AXL: variants seen among roughly 807,000 people sequenced by gnomAD.
The protein encoded by AXL is AXL receptor tyrosine kinase.
Under a neutral mutation model 104.5 loss-of-function variants are expected in AXL, and 52 were observed. The ratio of observed to expected loss-of-function variants is 0.50; its 90% confidence interval spans 0.40 to 0.63. AXL has a LOEUF of 0.63. Among genes scored for constraint, AXL ranks in the 20% least tolerant of loss-of-function variants. The pLI is 0.00. For synonymous variants in AXL, 455 were observed against 473.7 expected (o/e 0.96, Z 0.51); for missense variants, 1,024 against 1,188.5 (o/e 0.86, Z 2.04).
At position 41,224,953 on chromosome 19, in the gene AXL, C is replaced by T. The variant is rs78900463; in HGVS notation, c.586+2897C>T. On this transcript the variant is annotated intron_variant, in intron 4 of 19. Transcript: ENST00000301178. Reference sequence around the variant, plus strand: ...ATGTGTCCATGGCAGTGTCTCCATCCTTGTGTGTCTGCATCAGGCCTGCGC... The same window carrying T: ...ATGTGTCCATGGCAGTGTCTCCATCTTTGTGTGTCTGCATCAGGCCTGCGC... Among the ~76,000 whole-genome samples the T allele has an allele frequency of 2.0e-5, 3 of 152,282 alleles. No homozygotes were observed. The East Asian group carries it at 5.8e-4, about 29-fold the overall frequency.
Position 41,248,749 on chromosome 19 carries a change from T to C in AXL, c.1640T>C (p.Phe547Ser), listed in dbSNP as rs1056851879. 1 of 1,614,114 alleles carries C rather than the reference T, an allele frequency of 6.2e-7. No individual in the cohort carries two copies. The highest frequency in any genetic ancestry group is 1.6e-4 in the Middle Eastern group (1 of 6,062). ...ALGKTLGEGE[F>S]GAVMEGQLNQ... ...TCCCTCTGGCCCCCCACAGGAGAGT[T>C]TGGAGCTGTGATGGAAGGCCAGCTC... The change falls in exon 14 of 20, where the codon TTT becomes TCT. Residue 547 changes from phenylalanine to serine, a missense_variant. By Grantham distance (155) the Phe-to-Ser change is radical. This residue lies in a region of AXL where 523 missense variants were observed against 636.0 expected (regional missense o/e 0.82). Transcript: ENST00000301178.
At chr19:41,254,390 A>AAAAGAAAG (rs1261812707) in intron 17 of AXL, among the ~76,000 whole-genome samples, 5 of 145,288 alleles carry the variant, frequency 3.4e-5, no homozygotes, top group African/African-American at 1.0e-4. Context: ...AAAAAAAAAA[A>AAAAGAAAG]AAAGAAAGAA....
chr19:41,229,197 C>T (rs760485922), intron 4 of AXL, among the ~76,000 whole-genome samples: 3 of 151,062 alleles, frequency 2.0e-5, no homozygotes, highest in Non-Finnish European at 4.4e-5. Context: ...GTGATCCACC[C>T]ACCTCGGCCT....
rs778617899 is a variant in AXL at position 41,230,959 on chromosome 19, CT to C, written c.587-7del. The stretch of plus-strand genomic sequence containing the variant: ...GATATTGGACCCTTCCCTCATATGA[CT>C]CCCTAGGGCTGAACAAGACATCCTC... On this transcript the variant is annotated splice_region_variant and splice_polypyrimidine_tract_variant and intron_variant, in intron 4 of 19. Transcript: ENST00000301178. The C allele has an allele frequency of 6.2e-7, 1 of 1,613,612 alleles. No individual in the cohort carries two copies. The highest frequency in any genetic ancestry group is 1.1e-5 in the South Asian group (1 of 91,076).
In AXL at chr19:41,252,363, C is replaced by T. The variant is rs555593485; in HGVS notation, c.1724C>T (p.Thr575Met). The T allele has an allele frequency of 1.6e-5, 26 of 1,613,704 alleles. No individual in the cohort carries two copies. The highest frequency in any genetic ancestry group is 6.6e-5 in the South Asian group (6 of 91,060). Residue 575 changes from threonine to methionine, a missense_variant, in exon 15 of 20, where the codon ACG (threonine) becomes ATG (methionine). Coordinates refer to ENST00000301178, the MANE Select transcript of AXL (RefSeq NM_021913.5). ...AVKTMKIAICTRSELEDFLSE... is the reference protein window; with the variant it reads ...AVKTMKIAICMRSELEDFLSE... ...TCTCTCCCTCAAGTTGCCATCTGCA[C>T]GAGGTCAGAGCTGGAGGATTTCCTG...
At position 41,219,366 on chromosome 19, in the gene AXL, A is replaced by G. The variant is rs10411012; in HGVS notation, c.-27A>G. The G allele has an allele frequency of 0.49, 761,347 of 1,563,788 alleles. 186,736 individuals carry two copies. Among genetic ancestry groups the G allele is most frequent in the African/African-American group, 0.59 (43,677 of 73,674 alleles). ...TGCCCCCTCCCCCGCTGGGAGCCCA[A>G]CAACTTCTGAGGAAAGTTTGGCACC... On this transcript the variant is annotated 5_prime_UTR_variant, in exon 1 of 20. Coordinates refer to ENST00000301178, the MANE Select transcript of AXL (RefSeq NM_021913.5).
At chr19:41,235,335 G>T (rs911065260) in intron 6 of AXL, among the ~76,000 whole-genome samples, 1 of 151,868 alleles carries the variant, frequency 6.6e-6, no homozygotes, top group Non-Finnish European at 1.5e-5. Context: ...TGGGCAACAA[G>T]AGCGAAACTC....
Position 41,254,644 on chromosome 19 carries a change from C to T in AXL, c.2036+936C>T, listed in dbSNP as rs912384137. On this transcript the variant is annotated intron_variant, in intron 17 of 19. Transcript: ENST00000301178. ...AGTTAGAATATTAGTCTTGGCCAGG[C>T]GCAGTGGCTCACATCTATAATCCCA... Among the ~76,000 whole-genome samples the T allele has an allele frequency of 2.6e-5, 4 of 151,604 alleles. No homozygotes were observed. The South Asian group carries it at 8.3e-4, about 32-fold the overall frequency.
chr19:41,254,223 CCT>C (rs758279350), intron 17 of AXL, among the ~76,000 whole-genome samples: 113 of 150,720 alleles, frequency 7.5e-4, no homozygotes, highest in African/African-American at 1.6e-3. Context: ...GGTGAAACCC[CCT>C]GTCTACTAAA....
At chr19:41,242,315 C>CTTT (rs574315254) in intron 10 of AXL, among the ~76,000 whole-genome samples, 15 of 83,862 alleles carry the variant, frequency 1.8e-4, no homozygotes, top group African/African-American at 3.4e-4. Flanking sequence ...CTGGCACTCT[C>CTTT]TTTTTTTTTT....
chr19:41,240,331 C>T (rs2034160324), intron 10 of AXL, among the ~76,000 whole-genome samples: 2 of 146,092 alleles, frequency 1.4e-5, no homozygotes, highest in Admixed American at 1.4e-4. Context: ...GGTGGATGAA[C>T]AAAAGATGAC....
intron 3 of AXL, 81 bp from the exon 4 acceptor site, chr19:41,221,799 A>G (rs2033795399): frequency 1.8e-5 from 26 of 1,479,426 alleles, no homozygotes; most frequent in Non-Finnish European, 2.4e-5. Context: ...TGCTGCCCAA[A>G]GCCTACAGCA....
chr19:41,227,378 T>C (rs573180434), intron 4 of AXL, among the ~76,000 whole-genome samples: 1 of 152,290 alleles, frequency 6.6e-6, no homozygotes, highest in East Asian at 1.9e-4. Context: ...ATATATATGA[T>C]TATCTTTTTC....
intron 4 of AXL, among the ~76,000 whole-genome samples, chr19:41,225,901 C>T (rs769691616): frequency 1.4e-4 from 22 of 152,156 alleles, no homozygotes; most frequent in Non-Finnish European, 3.1e-4. Flanking sequence ...GTCCCTCTAT[C>T]TGACTCAGGG....
intron 11 of AXL, 60 bp from the exon 12 acceptor site, chr19:41,243,556 G>A: frequency 7.5e-7 from 1 of 1,327,118 alleles, no homozygotes; most frequent in Non-Finnish European, 1.1e-6. Context: ...TCAACTGCTG[G>A]TTGAGTAGGG....
intron 19 of AXL, among the ~76,000 whole-genome samples, chr19:41,259,340 G>A (rs1423261991): frequency 6.6e-6 from 1 of 152,036 alleles, no homozygotes; most frequent in African/African-American, 2.4e-5. Flanking sequence ...CAGGTTTCCC[G>A]AGACCCTTCC....
intron 4 of AXL, among the ~76,000 whole-genome samples, chr19:41,230,508 G>A (rs1382603743): frequency 6.6e-6 from 1 of 150,546 alleles, no homozygotes; most frequent in African/African-American, 2.5e-5. Flanking sequence ...GTGCCTGTGT[G>A]TGGCTGTGTG....
In AXL at chr19:41,219,332, G is replaced by A. The variant is rs2033741116; in HGVS notation, c.-61G>A. On this transcript the variant is annotated 5_prime_UTR_variant, in exon 1 of 20. Transcript: ENST00000301178. ...GGAGCTGGGGGGAGGGCCGGGGACA[G>A]CCCGGCCCTGCCCCCTCCCCCGCTG... The A allele has an allele frequency of 1.3e-6, 2 of 1,493,450 alleles. No individual in the cohort carries two copies. The highest frequency in any genetic ancestry group is 1.8e-6 in the Non-Finnish European group (2 of 1,099,956). 92.5% of individuals were successfully genotyped at this position (1,493,450 alleles called of 1,614,324 possible).
chr19:41,231,653 G>A (rs183736716), intron 6 of AXL, among the ~76,000 whole-genome samples: 146 of 152,254 alleles, frequency 9.6e-4, no homozygotes, highest in African/African-American at 3.3e-3. Context: ...TTGGCCAGGC[G>A]CGGTGGCTCA....
Sources: allele counts gnomAD v4.1 joint callset (sites outside exome capture counted in the v4.1 genomes callset), GRCh38; gene constraint gnomAD v4.1.1; regional missense constraint gnomAD v4.1.1; transcripts MANE v1.5; gene names NCBI Gene and HGNC (gene_info 2026-07-23, HGNC 2026-07-21).